The following LRRIQ3 variants were observed in gnomAD, a reference collection of about 807,000 sequenced individuals.
The protein encoded by LRRIQ3 is leucine rich repeats and IQ motif containing 3, also known as leucine-rich repeat and IQ domain-containing protein 3.
Under a neutral mutation model 59.3 loss-of-function variants are expected in LRRIQ3, and 75 were observed. That is an observed-to-expected ratio of 1.26 (90% CI 1.05 to 1.53). The LOEUF (loss-of-function observed/expected upper bound fraction) is 1.53. Among genes scored for constraint, LRRIQ3 ranks in the 40% most tolerant of loss-of-function variants. The pLI is 0.00. For missense variants in LRRIQ3, 831 were observed against 710.0 expected, an observed-to-expected ratio of 1.17 and a Z score of -1.94; for synonymous variants, 250 against 231.3, an observed-to-expected ratio of 1.08 and a Z score of -0.73.
At chr1:74,071,894 A>G (rs537586020) in intron 6 of LRRIQ3, among the ~76,000 whole-genome samples, 1 of 152,192 alleles carries the variant, frequency 6.6e-6, no homozygotes, top group African/African-American at 2.4e-5. Flanking sequence ...ATATTTTAAA[A>G]GTTTTGCCAA....
intron 3 of LRRIQ3, chr1:74,181,686 C>A (rs1022472286): frequency 3.3e-5 from 5 of 151,568 alleles, no homozygotes; most frequent in African/African-American, 1.2e-4. Context: ...TACCAAAATC[C>A]TAAATTTTTA....
intron 4 of LRRIQ3, among the ~76,000 whole-genome samples, chr1:74,128,027 A>G (rs1646961314): frequency 1.3e-5 from 2 of 152,004 alleles, no homozygotes; most frequent in African/African-American, 4.8e-5. Context: ...TCAGCACTTT[A>G]AATATATCCT....
Position 74,097,556 on chromosome 1 carries a change from G to A in LRRIQ3, c.867+11838C>T, listed in dbSNP as rs1570107071. Among the ~76,000 whole-genome samples the A allele has an allele frequency of 2.0e-5, 3 of 152,158 alleles. No homozygotes were observed. The South Asian group carries it at 6.2e-4, about 32-fold the overall frequency. On this transcript the variant is annotated intron_variant, in intron 5 of 7. Coordinates refer to ENST00000354431, the MANE Select transcript of LRRIQ3 (RefSeq NM_001105659.2). ...TTCAAATTCAGGAAATACAGAGAATGCCACAAAGATACTCCTCGAGAAGAG... is the reference window on the plus strand; with the variant it reads ...TTCAAATTCAGGAAATACAGAGAATACCACAAAGATACTCCTCGAGAAGAG...
chr1:74,183,361 G>T, intron 2 of LRRIQ3, 75 bp downstream of exon 2: 1 of 1,253,782 alleles, frequency 8.0e-7, no homozygotes. Flanking sequence ...AAATACTGTG[G>T]ATAGGTAACA....
intron 5 of LRRIQ3, among the ~76,000 whole-genome samples, chr1:74,094,288 C>A (rs1306910261): frequency 6.6e-6 from 1 of 151,960 alleles, no homozygotes; most frequent in African/African-American, 2.4e-5. Flanking sequence ...ACTTTATAGG[C>A]AAAAAGATAT....
intron 6 of LRRIQ3, among the ~76,000 whole-genome samples, chr1:74,057,288 T>C (rs1277192750): frequency 6.6e-6 from 1 of 151,984 alleles, no homozygotes; most frequent in Non-Finnish European, 1.5e-5. Flanking sequence ...CAAGTTACTA[T>C]AGCTTTTTAG....
intron 5 of LRRIQ3, among the ~76,000 whole-genome samples, chr1:74,098,483 T>C (rs1208153550): frequency 6.6e-6 from 1 of 152,062 alleles, no homozygotes; most frequent in African/African-American, 2.4e-5. Flanking sequence ...CTGTCAACAT[T>C]AGGCAGATCA....
At chr1:74,102,170 G>A (rs1646545913) in intron 5 of LRRIQ3, among the ~76,000 whole-genome samples, 2 of 151,760 alleles carry the variant, frequency 1.3e-5, no homozygotes, top group South Asian at 4.2e-4. Flanking sequence ...GATCAAGAGG[G>A]AAAATAATAT....
chr1:74,089,321 A>G (rs1453978431), intron 5 of LRRIQ3, among the ~76,000 whole-genome samples: 1 of 152,090 alleles, frequency 6.6e-6, no homozygotes, highest in East Asian at 1.9e-4. Flanking sequence ...TACCCAAGAA[A>G]ACTAAAAACA....
intron 7 of LRRIQ3, among the ~76,000 whole-genome samples, chr1:74,036,995 A>G (rs934223716): frequency 1.3e-5 from 2 of 152,202 alleles, no homozygotes; most frequent in Non-Finnish European, 2.9e-5. Flanking sequence ...ATTTAGAAAA[A>G]ATATACATTG....
chr1:74,052,959 A>C (rs1654411639), intron 6 of LRRIQ3, among the ~76,000 whole-genome samples: 1 of 152,156 alleles, frequency 6.6e-6, no homozygotes, highest in African/African-American at 2.4e-5. Flanking sequence ...CATATGCCAA[A>C]GAATGTATCT....
chr1:74,067,977 A>G (rs1302031422), intron 6 of LRRIQ3, among the ~76,000 whole-genome samples: 1 of 152,062 alleles, frequency 6.6e-6, no homozygotes, highest in Non-Finnish European at 1.5e-5. Context: ...AAACATAGTC[A>G]AGTACAACCA....
At chr1:74,057,972 G>A (rs1436964343) in intron 6 of LRRIQ3, among the ~76,000 whole-genome samples, 2 of 152,036 alleles carry the variant, frequency 1.3e-5, no homozygotes, top group Non-Finnish European at 2.9e-5. Context: ...ATGACAAAAT[G>A]CTTAATATCA....
intron 5 of LRRIQ3, among the ~76,000 whole-genome samples, chr1:74,076,875 T>C (rs567102738): frequency 3.2e-4 from 48 of 152,184 alleles, no homozygotes; most frequent in African/African-American, 1.1e-3. Context: ...ACAATTTCTA[T>C]TCACTCTTTA....
chr1:74,070,085 T>A (rs1396733935), intron 6 of LRRIQ3, among the ~76,000 whole-genome samples: 1 of 152,076 alleles, frequency 6.6e-6, no homozygotes, highest in East Asian at 1.9e-4. Flanking sequence ...AAATAAAACT[T>A]CAGAATTACT....
intron 6 of LRRIQ3, among the ~76,000 whole-genome samples, chr1:74,067,451 G>A (rs1388419840): frequency 6.6e-6 from 1 of 152,026 alleles, no homozygotes; most frequent in African/African-American, 2.4e-5. Context: ...GGCTACAAAA[G>A]CTTTTTCAGT....
intron 6 of LRRIQ3, among the ~76,000 whole-genome samples, chr1:74,071,622 T>C (rs1043333080): frequency 6.6e-6 from 1 of 152,170 alleles, no homozygotes; most frequent in Non-Finnish European, 1.5e-5. Context: ...TACAGTTTCA[T>C]ACTGAGATAA....
intron 3 of LRRIQ3, among the ~76,000 whole-genome samples, chr1:74,174,219 T>C (rs1473235247): frequency 6.6e-6 from 1 of 152,106 alleles, no homozygotes; most frequent in Non-Finnish European, 1.5e-5. Context: ...TTTTTTTTCT[T>C]TTCTTTTCGT....
intron 3 of LRRIQ3, chr1:74,181,021 G>T: frequency 2.1e-6 from 1 of 480,142 alleles, no homozygotes; most frequent in Non-Finnish European, 3.7e-6. Flanking sequence ...ATGAGGACAA[G>T]AATTTTGTCA....
Sources: allele counts gnomAD v4.1 joint callset (sites outside exome capture counted in the v4.1 genomes callset), GRCh38; gene constraint gnomAD v4.1.1; transcripts MANE v1.5; gene names NCBI Gene and HGNC (gene_info 2026-07-23, HGNC 2026-07-21).